TMEM132C: variants seen among roughly 807,000 people sequenced by gnomAD.
The protein encoded by TMEM132C is transmembrane protein 132C.
A neutral mutation model predicts 61.4 loss-of-function variants in TMEM132C; 29 were observed. That is an observed-to-expected ratio of 0.47 (90% CI 0.35 to 0.64). The LOEUF (loss-of-function observed/expected upper bound fraction) is 0.64. TMEM132C is among the 30% of genes least tolerant of loss of function. The pLI is 0.00. For synonymous variants in TMEM132C, 656 were observed against 633.1 expected, an observed-to-expected ratio of 1.04 and a Z score of -0.54; for missense variants, 1,408 against 1,476.9, an observed-to-expected ratio of 0.95 and a Z score of 0.76.
intron 1 of TMEM132C, among the ~76,000 whole-genome samples, chr12:128,395,549 G>A (rs146715304): frequency 5.3e-5 from 8 of 152,232 alleles, no homozygotes; most frequent in South Asian, 4.2e-4. Flanking sequence ...ATGAAACATC[G>A]CAGCTCAGCC....
rs1173489181 is a variant in TMEM132C at position 128,706,995 on chromosome 12, A to G, written c.*700A>G. The G allele has an allele frequency of 6.6e-6, 1 of 152,232 alleles. No individual in the cohort carries two copies. Among genetic ancestry groups the G allele is most frequent in the Non-Finnish European group, 1.5e-5 (1 of 68,038 alleles). The allele number at this position is 152,232 out of a possible 1,614,324, so 9.4% of individuals were successfully genotyped here. ...CATAAATTATATTCCTATTCATTAG[A>G]TAGGTTCCTAGGAACAATGCCAATT... is the stretch of plus-strand genomic sequence containing the variant. On this transcript the variant is annotated 3_prime_UTR_variant, in exon 9 of 9. Coordinates refer to ENST00000435159, the MANE Select transcript of TMEM132C (RefSeq NM_001136103.3).
intron 2 of TMEM132C, among the ~76,000 whole-genome samples, chr12:128,531,650 C>T (rs901054851): frequency 3.9e-5 from 6 of 152,240 alleles, no homozygotes; most frequent in Admixed American, 1.3e-4. Context: ...TAGGAAGTTG[C>T]AGTAGTGACC....
At chr12:128,525,686 G>A (rs1353113170) in intron 2 of TMEM132C, among the ~76,000 whole-genome samples, 1 of 152,192 alleles carries the variant, frequency 6.6e-6, no homozygotes, top group Non-Finnish European at 1.5e-5. Context: ...CAAGCTGGAA[G>A]TGACTCAGCC....
At chr12:128,335,169 G>C (rs1872761962) in intron 1 of TMEM132C, among the ~76,000 whole-genome samples, 2 of 152,138 alleles carry the variant, frequency 1.3e-5, no homozygotes, top group African/African-American at 4.8e-5. Flanking sequence ...GTGAAATATT[G>C]TTCAAACCTC....
intron 5 of TMEM132C, among the ~76,000 whole-genome samples, chr12:128,681,965 C>T (rs955768010): frequency 4.6e-5 from 7 of 151,930 alleles, no homozygotes; most frequent in Non-Finnish European, 7.4e-5. Context: ...CCACCGTGCC[C>T]GGCCCAGATG....
At chr12:128,418,004 G>T (rs1047607102) in intron 2 of TMEM132C, among the ~76,000 whole-genome samples, 1 of 152,064 alleles carries the variant, frequency 6.6e-6, no homozygotes, top group Admixed American at 6.6e-5. Context: ...GCCGTGGAGC[G>T]CAGCAGCCGT....
chr12:128,277,592 C>A lies in TMEM132C; in HGVS notation c.85+10105C>A, dbSNP rs1046760144. 4.6e-5 allele frequency among the ~76,000 whole-genome samples: 7 copies of A among 152,152 alleles called. No homozygotes were observed. The South Asian group carries it at 8.3e-4, about 18-fold the overall frequency. The stretch of plus-strand genomic sequence containing the variant: ...AGCCTGGGGGTGAGGTCACTTCCAC[C>A]CACACCACTAAGATAGAAGGTGTGA... On this transcript the variant is annotated intron_variant, in intron 1 of 8. Transcript: ENST00000435159.
rs140709507 is a variant in TMEM132C, at chr12:128,362,053, T to G, written c.86-52679T>G. On this transcript the variant is annotated intron_variant, in intron 1 of 8. Coordinates refer to ENST00000435159, the MANE Select transcript of TMEM132C (RefSeq NM_001136103.3). The stretch of plus-strand genomic sequence containing the variant: ...CTGGATTTCTCCAGGAGAGGAAGAT[T>G]CTTTTTAGATATCATCAGCCACTCA... Among the ~76,000 whole-genome samples, 242 of 149,358 alleles carry G rather than the reference T, an allele frequency of 1.6e-3. 1 individual carries two copies. Among genetic ancestry groups the G allele is most frequent in the Middle Eastern group, 6.8e-3 (2 of 292 alleles).
At chr12:128,269,266 G>T (rs940746047) in intron 1 of TMEM132C, among the ~76,000 whole-genome samples, 1 of 152,060 alleles carries the variant, frequency 6.6e-6, no homozygotes. Context: ...TTCACCCCTT[G>T]CCCTTGAGAG....
chr12:128,571,375 G>A (rs1352395349), intron 3 of TMEM132C, among the ~76,000 whole-genome samples: 1 of 152,156 alleles, frequency 6.6e-6, no homozygotes, highest in Non-Finnish European at 1.5e-5. Context: ...GTTTTTTAAT[G>A]AATATTTTTA....
chr12:128,382,119 C>G (rs770023007), intron 1 of TMEM132C, among the ~76,000 whole-genome samples: 4 of 152,044 alleles, frequency 2.6e-5, no homozygotes, highest in Non-Finnish European at 4.4e-5. Context: ...CAGCCACCCA[C>G]TGCCGCTCTG....
At chr12:128,477,435 G>T (rs1402996270) in intron 2 of TMEM132C, among the ~76,000 whole-genome samples, 1 of 152,202 alleles carries the variant, frequency 6.6e-6, no homozygotes, top group African/African-American at 2.4e-5. Context: ...CCATGGCTCA[G>T]CCCAGAGATG....
chr12:128,398,136 A>G (rs952417023), intron 1 of TMEM132C, among the ~76,000 whole-genome samples: 1 of 152,262 alleles, frequency 6.6e-6, no homozygotes, highest in African/African-American at 2.4e-5. Flanking sequence ...AAGAATGACA[A>G]GAAGGCATCT....
chr12:128,541,970 G>A lies in TMEM132C; in HGVS notation c.975-1987G>A, dbSNP rs953687154. On this transcript the variant is annotated intron_variant, in intron 2 of 8. Coordinates refer to ENST00000435159, the MANE Select transcript of TMEM132C (RefSeq NM_001136103.3). ...CCCAGGCACCCCCAGTTCCCCACTC[G>A]CCCTGATACCCATACCCAATGTGAA... Among the ~76,000 whole-genome samples, 13 of 152,280 alleles carry A rather than the reference G, an allele frequency of 8.5e-5. No individual in the cohort carries two copies. In the East Asian group the frequency reaches 9.7e-4, roughly 11 times the overall value.
chr12:128,531,630 T>C (rs1205338202), intron 2 of TMEM132C, among the ~76,000 whole-genome samples: 1 of 152,224 alleles, frequency 6.6e-6, no homozygotes, highest in Non-Finnish European at 1.5e-5. Context: ...CACATACACA[T>C]GACTTCTCTT....
intron 1 of TMEM132C, among the ~76,000 whole-genome samples, chr12:128,339,110 T>A (rs1038833431): frequency 2.6e-5 from 4 of 152,002 alleles, no homozygotes; most frequent in Admixed American, 2.0e-4. Flanking sequence ...TTCTGAGCCT[T>A]GTTAGAGTGG....
At chr12:128,489,259 G>T (rs1210114887) in intron 2 of TMEM132C, among the ~76,000 whole-genome samples, 2 of 152,082 alleles carry the variant, frequency 1.3e-5, no homozygotes, top group Non-Finnish European at 2.9e-5. Flanking sequence ...CAACTACTAA[G>T]CGGTGTTACA....
chr12:128,695,701 C>G, intron 6 of TMEM132C, 129 bp from the exon 7 acceptor site: 1 of 965,734 alleles, frequency 1.0e-6, no homozygotes, highest in South Asian at 1.8e-5. Flanking sequence ...GGCTTGGTGC[C>G]CCTTGCATGG....
At chr12:128,655,978 A>T (rs1244174901) in intron 4 of TMEM132C, among the ~76,000 whole-genome samples, 2 of 152,252 alleles carry the variant, frequency 1.3e-5, no homozygotes, top group Non-Finnish European at 2.9e-5. Context: ...AAGTAAGGCC[A>T]TGACCACTAT....
Sources: allele counts gnomAD v4.1 joint callset (sites outside exome capture counted in the v4.1 genomes callset), GRCh38; gene constraint gnomAD v4.1.1; transcripts MANE v1.5; gene names NCBI Gene and HGNC (gene_info 2026-07-23, HGNC 2026-07-21).